Variants in IPO11 observed in about 807,000 individuals in gnomAD.
IPO11 encodes importin-11.
A neutral mutation model predicts 143.2 loss-of-function variants in IPO11; 66 were observed. The observed-to-expected ratio is 0.46, with a 90% CI of 0.38 to 0.57. IPO11 has a LOEUF of 0.57. Ranked by LOEUF, IPO11 falls within the 20% of genes least tolerant of loss-of-function variation. The pLI, the probability that IPO11 is intolerant of heterozygous loss-of-function variation, is 0.00. For missense variants in IPO11, 1,026 were observed against 1,141.0 expected (o/e 0.90, Z 1.45); for synonymous variants, 385 against 377.8 (o/e 1.02, Z -0.22).
chr5:62,494,626 C>T (rs1741067964), intron 16 of IPO11, among the ~76,000 whole-genome samples: 1 of 151,780 alleles, frequency 6.6e-6, no homozygotes, highest in Admixed American at 6.6e-5. Context: ...TGCTTTTTCC[C>T]CCTTCAAAGC....
intron 5 of IPO11, among the ~76,000 whole-genome samples, chr5:62,459,937 A>G (rs940322428): frequency 6.6e-6 from 1 of 152,218 alleles, no homozygotes; most frequent in African/African-American, 2.4e-5. Flanking sequence ...TAAAATTGAA[A>G]ATACATTTTA....
At chr5:62,423,348 G>T (rs1031727921) in intron 1 of IPO11, among the ~76,000 whole-genome samples, 1 of 152,114 alleles carries the variant, frequency 6.6e-6, no homozygotes, top group Non-Finnish European at 1.5e-5. Context: ...CTAGGTAATG[G>T]CATTTATAGA....
rs1354980530 is a variant in IPO11 at position 62,526,502 on chromosome 5, A to G, written c.2012+245A>G. On this transcript the variant is annotated intron_variant, in intron 21 of 29. Coordinates refer to ENST00000325324, the MANE Select transcript of IPO11 (RefSeq NM_016338.5). ...TGCATTTCATCTTTTGGAATTTGTCATGTAATATGGGGTCATGGTAACTTT... is the reference window on the plus strand; with the variant it reads ...TGCATTTCATCTTTTGGAATTTGTCGTGTAATATGGGGTCATGGTAACTTT... 2.5e-5 allele frequency: 8 copies of G among 315,946 alleles called. No homozygotes were observed. The East Asian group carries it at 4.6e-4, about 18-fold the overall frequency. The allele number at this position is 315,946 out of a possible 1,614,324, so 19.6% of individuals were successfully genotyped here.
chr5:62,489,923 A>G (rs1015613843), intron 14 of IPO11, among the ~76,000 whole-genome samples, 192 bp from the exon 15 acceptor site: 55 of 152,248 alleles, frequency 3.6e-4, no homozygotes, highest in Non-Finnish European at 1.6e-4. Context: ...GTAGTAAGGA[A>G]TATTTAGGAA....
At chr5:62,550,665 CAT>C (rs1466624819) in intron 25 of IPO11, among the ~76,000 whole-genome samples, 1 of 152,136 alleles carries the variant, frequency 6.6e-6, no homozygotes, top group Non-Finnish European at 1.5e-5. Context: ...GTCTTTCAAA[CAT>C]ATGCATGTAT....
rs1413672450 is a variant in IPO11, at chr5:62,412,789, T to A, written c.-147T>A. 6.5e-6 allele frequency: 1 copy of A among 152,714 alleles called. No homozygotes were observed. Among genetic ancestry groups the A allele is most frequent in the Admixed American group, 6.5e-5 (1 of 15,286 alleles). 9.5% of individuals were successfully genotyped at this position (152,714 alleles called of 1,614,324 possible). ...TCGTTTGGAGCTGCGACGCCAAACA[T>A]GGCGTGTTCCTAGAAGCCGCTTTCG... On this transcript the variant is annotated 5_prime_UTR_variant, in exon 1 of 30. It removes an upstream start codon present in the reference 5' UTR. Coordinates refer to ENST00000325324, the MANE Select transcript of IPO11 (RefSeq NM_016338.5).
rs1561338196 is a variant in IPO11, at chr5:62,503,350, A to AC, written c.1591-1317_1591-1316insC. 6.8e-4 allele frequency among the ~76,000 whole-genome samples: 90 copies of AC among 131,894 alleles called. 1 individual carries two copies. The highest frequency in any genetic ancestry group is 1.7e-3 in the African/African-American group (60 of 34,318). The allele number at this position is 131,894 out of a possible 152,430, so 86.5% of individuals were successfully genotyped here. On this transcript the variant is annotated intron_variant, in intron 16 of 29. Coordinates refer to ENST00000325324, the MANE Select transcript of IPO11 (RefSeq NM_016338.5). ...ATCTACTAATATATTAATAGTATCTATTAATATATTAATAGTATCTACTAA... is the reference window on the plus strand; with the variant it reads ...ATCTACTAATATATTAATAGTATCTACTTAATATATTAATAGTATCTACTAA...
intron 29 of IPO11, among the ~76,000 whole-genome samples, chr5:62,605,460 A>G (rs540813956): frequency 2.0e-5 from 3 of 152,274 alleles, no homozygotes; most frequent in East Asian, 3.9e-4. Context: ...TTTCGGTGAA[A>G]TAATACTTAG....
chr5:62,533,818 C>T (rs72769149), intron 22 of IPO11, among the ~76,000 whole-genome samples: 3,319 of 152,054 alleles, frequency 0.022, 47 homozygotes, highest in Middle Eastern at 0.041. Context: ...AGTTAGCCGG[C>T]CTTGGTGGCC....
intron 2 of IPO11, 45 bp downstream of exon 2, chr5:62,437,462 G>A (rs749484104): frequency 2.6e-6 from 4 of 1,534,190 alleles, no homozygotes; most frequent in Non-Finnish European, 3.5e-6. Flanking sequence ...AATAAAATGA[G>A]ACAACATTAA....
intron 22 of IPO11, among the ~76,000 whole-genome samples, chr5:62,531,235 T>C (rs959979560): frequency 1.3e-5 from 2 of 152,226 alleles, no homozygotes; most frequent in African/African-American, 2.4e-5. Flanking sequence ...TGGAGTGCAG[T>C]GGTATGACCA....
At chr5:62,560,934 G>C in intron 26 of IPO11, 1 of 407,298 alleles carries the variant, frequency 2.5e-6, no homozygotes. Context: ...TTAGCTGTCA[G>C]GATTAATTAG....
intron 26 of IPO11, among the ~76,000 whole-genome samples, chr5:62,553,847 G>A (rs1743478113): frequency 6.6e-6 from 1 of 152,000 alleles, no homozygotes; most frequent in South Asian, 2.1e-4. Flanking sequence ...CTGCCTCCCG[G>A]GTTCAAGTGA....
intron 5 of IPO11, among the ~76,000 whole-genome samples, chr5:62,461,330 C>T (rs889210850): frequency 1.8e-4 from 28 of 152,140 alleles, no homozygotes; most frequent in Admixed American, 6.6e-4. Flanking sequence ...GGATTCTTGC[C>T]GAAAGCAACC....
chr5:62,512,906 G>A (rs1329785133), intron 19 of IPO11, among the ~76,000 whole-genome samples: 1 of 140,560 alleles, frequency 7.1e-6, no homozygotes, highest in Non-Finnish European at 1.6e-5. Flanking sequence ...TGGGGGTAAG[G>A]TCATAGATCA....
At chr5:62,458,672 G>T (rs1020668908) in intron 5 of IPO11, among the ~76,000 whole-genome samples, 11 of 152,192 alleles carry the variant, frequency 7.2e-5, no homozygotes, top group Non-Finnish European at 1.0e-4. Flanking sequence ...TGAACCTGTG[G>T]GGATTTGAGC....
At chr5:62,502,509 G>GT (rs1311466611) in intron 16 of IPO11, among the ~76,000 whole-genome samples, 1 of 152,236 alleles carries the variant, frequency 6.6e-6, no homozygotes, top group Non-Finnish European at 1.5e-5. Context: ...AAAAGTCTGT[G>GT]TTTTTTTATT....
At chr5:62,485,145 A>G (rs1580234080) in intron 11 of IPO11, among the ~76,000 whole-genome samples, 1 of 152,190 alleles carries the variant, frequency 6.6e-6, no homozygotes, top group Non-Finnish European at 1.5e-5. Context: ...TACCCTGGAA[A>G]TGACAACTAC....
chr5:62,476,538 A>C lies in IPO11; in HGVS notation c.758-145A>C, dbSNP rs570457205. 8 of 830,318 alleles carry C rather than the reference A, an allele frequency of 9.6e-6. No individual in the cohort carries two copies. In the East Asian group the frequency reaches 2.9e-4, roughly 30 times the overall value. 51.4% of individuals were successfully genotyped at this position (830,318 alleles called of 1,614,324 possible). A position where few individuals can be genotyped will look rare whatever the true frequency, so the allele number is the denominator to read the frequency against. On this transcript the variant is annotated intron_variant, in intron 8 of 29. Transcript: ENST00000325324. ...GGCTACTGTGTCTGTTACTCAGTGTAAATCTTGGTATTGCTTTTTAAATAA... is the reference window on the plus strand; with the variant it reads ...GGCTACTGTGTCTGTTACTCAGTGTCAATCTTGGTATTGCTTTTTAAATAA...
Sources: gnomAD v4.1 joint callset for allele counts (sites outside exome capture counted in the v4.1 genomes callset) on GRCh38, gnomAD v4.1.1 for gene constraint, MANE v1.5 for transcripts, NCBI Gene and HGNC (gene_info 2026-07-23, HGNC 2026-07-21) for gene names.